ARHGEF15: variants seen among roughly 807,000 people sequenced by gnomAD.
ARHGEF15 encodes the protein Rho guanine nucleotide exchange factor 15.
A neutral mutation model predicts 79.7 loss-of-function variants in ARHGEF15; 58 were observed. The observed-to-expected ratio is 0.73, with a 90% CI of 0.59 to 0.91. The LOEUF is 0.91. Ranked by LOEUF, ARHGEF15 falls within the 40% of genes least tolerant of loss-of-function variation. The pLI is 0.00. For synonymous variants in ARHGEF15, 442 were observed against 456.0 expected, an observed-to-expected ratio of 0.97 and a Z score of 0.39; for missense variants, 1,012 against 1,108.1, an observed-to-expected ratio of 0.91 and a Z score of 1.23.
chr17:8,320,671 G>A (rs1340991633), intron 15 of ARHGEF15, among the ~76,000 whole-genome samples, 171 bp from the exon 16 acceptor site: 4 of 152,218 alleles, frequency 2.6e-5, no homozygotes, highest in Non-Finnish European at 4.4e-5. Flanking sequence ...GACTCTCTCC[G>A]AGCTGCTGTC....
intron 4 of ARHGEF15, chr17:8,313,787 T>C (rs554513509): frequency 4.9e-6 from 2 of 409,046 alleles, no homozygotes; most frequent in East Asian, 7.3e-5. Flanking sequence ...CCCAGCACTC[T>C]GGGAGGCCGC....
intron 9 of ARHGEF15, among the ~76,000 whole-genome samples, chr17:8,317,657 A>G (rs1330970270): frequency 1.3e-5 from 2 of 152,194 alleles, no homozygotes; most frequent in Non-Finnish European, 2.9e-5. Context: ...AGGTCACATA[A>G]CTTGCCTCAG....
chr17:8,314,851 T>G, intron 4 of ARHGEF15, 55 bp from the exon 5 acceptor site: 1 of 1,511,586 alleles, frequency 6.6e-7, no homozygotes, highest in Non-Finnish European at 8.9e-7. Flanking sequence ...CAAGCACCCC[T>G]ACGGTGGGCA....
At position 8,318,964 on chromosome 17, in the gene ARHGEF15, C is replaced by A. The variant is rs191999392; in HGVS notation, c.2034-43C>A. On this transcript the variant is annotated intron_variant, in intron 12 of 15. Coordinates refer to ENST00000361926, the MANE Select transcript of ARHGEF15 (RefSeq NM_173728.4). The surrounding 1 kb of genome is among the most constrained non-coding windows in gnomAD (Gnocchi z 5.0). ...GCTGGAGTGGGCAGGAGGGGTCCAG[C>A]GGGACCCCTGCTGTCCTTCTGAACG... 1.7e-4 allele frequency: 276 copies of A among 1,608,850 alleles called. No homozygotes were observed. Among genetic ancestry groups the A allele is most frequent in the Non-Finnish European group, 2.2e-4 (264 of 1,177,926 alleles).
At chr17:8,311,915 C>T (rs111424518) in intron 1 of ARHGEF15, 76 bp from the exon 2 acceptor site, 14,668 of 1,027,758 alleles carry the variant, frequency 0.014, 140 homozygotes, top group Middle Eastern at 0.026. Context: ...ACTTCAAAAT[C>T]CTGCCTTCCA....
Position 8,318,554 on chromosome 17 carries a change from A to G in ARHGEF15, c.1780-16A>G, listed in dbSNP as rs752767113. 2.9e-5 allele frequency: 47 copies of G among 1,612,740 alleles called. No homozygotes were observed. Among genetic ancestry groups the G allele is most frequent in the Non-Finnish European group, 4.0e-5 (47 of 1,179,034 alleles). On this transcript the variant is annotated splice_polypyrimidine_tract_variant and intron_variant, in intron 10 of 15. Transcript: ENST00000361926. This position sits in a 1 kb window ranked among gnomAD's most constrained non-coding sequence, Gnocchi z 5.0. ...GGGCTGGCCGCTGGGGTGGTGACAC[A>G]GCTCCCCTTACCTAGATCATCGAGC...
At position 8,315,483 on chromosome 17, in the gene ARHGEF15, G is replaced by A. The variant is rs1904956280; in HGVS notation, c.1330G>A (p.Val444Met). 2 of 1,613,630 alleles carry A rather than the reference G, an allele frequency of 1.2e-6. No homozygotes were observed. Among genetic ancestry groups the A allele is most frequent in the Non-Finnish European group, 1.7e-6 (2 of 1,180,022 alleles). Residue 444 changes from valine to methionine, a missense_variant, in exon 7 of 16, where the codon GTG becomes ATG. Transcript: ENST00000361926. The surrounding 1 kb of genome is among the most constrained non-coding windows in gnomAD (Gnocchi z 4.3). ...CCTGCGGCTGCTGACCGACACCTTC[G>A]TGCTGAGCCAGGCACTCCGGGACAC... ...RSLRLLTDTF[V>M]LSQALRDTLT...
Position 8,319,065 on chromosome 17 carries a change from G to T in ARHGEF15, c.2092G>T (p.Val698Phe). The T allele has an allele frequency of 6.2e-7, 1 of 1,613,950 alleles. No homozygotes were observed. Among genetic ancestry groups the T allele is most frequent in the South Asian group, 1.1e-5 (1 of 91,084 alleles). The change falls in exon 13 of 16, where the codon GTT becomes TTT. Residue 698 changes from valine to phenylalanine, a missense_variant. By Grantham distance (50) the Val-to-Phe change is conservative. Transcript: ENST00000361926. ...TCGCTCCCTGGTCCAGGCCCAGCAG[G>T]TTCCGGATCCATCTGGACCCCCTAC... ...AHRSLVQAQQ[V>F]PDPSGPPTFR...
intron 2 of ARHGEF15, 23 bp downstream of exon 2, chr17:8,312,663 G>A (rs1397138771): frequency 5.0e-6 from 8 of 1,611,034 alleles, no homozygotes; most frequent in African/African-American, 4.0e-5. Flanking sequence ...GGTGGGGGGC[G>A]CTGGGTGACC....
chr17:8,321,358 T>G lies in ARHGEF15; in HGVS notation c.*365T>G. ...CCTCATTGGAGATAAAGTCGTAGGATAAAATTGGGAACAGGAATGAGCAGG... is the reference window on the plus strand; with the variant it reads ...CCTCATTGGAGATAAAGTCGTAGGAGAAAATTGGGAACAGGAATGAGCAGG... On this transcript the variant is annotated 3_prime_UTR_variant, in exon 16 of 16. Transcript: ENST00000361926. The G allele has an allele frequency of 5.7e-6, 1 of 175,458 alleles. No homozygotes were observed. Among genetic ancestry groups the G allele is most frequent in the South Asian group, 1.6e-4 (1 of 6,108 alleles). 10.9% of individuals were successfully genotyped at this position (175,458 alleles called of 1,614,324 possible).
At position 8,312,930 on chromosome 17, in the gene ARHGEF15, C is replaced by T. The variant is rs1904747233; in HGVS notation, c.610C>T (p.Leu204=). 1 of 1,575,334 alleles carries T rather than the reference C, an allele frequency of 6.3e-7. No homozygotes were observed. Among genetic ancestry groups the T allele is most frequent in the Non-Finnish European group, 8.6e-7 (1 of 1,161,480 alleles). ...CTACCTGTCTCCCACAGATGCTGGC[C>T]TGGCCTGCCCTCCCTGCTGCCCCTG... ...SQENGAPDAG[L]ACPPCCPCVC... is the part of the protein sequence containing the mutation. The change falls in exon 3 of 16, where the codon CTG becomes TTG. Residue 204 remains leucine, a synonymous_variant. Coordinates refer to ENST00000361926, the MANE Select transcript of ARHGEF15 (RefSeq NM_173728.4).
chr17:8,315,964 G>T lies in ARHGEF15; in HGVS notation c.1575-55G>T. On this transcript the variant is annotated intron_variant, in intron 8 of 15. Coordinates refer to ENST00000361926, the MANE Select transcript of ARHGEF15 (RefSeq NM_173728.4). This position sits in a 1 kb window ranked among gnomAD's most constrained non-coding sequence, Gnocchi z 4.3. ...GGAGAGGGATGGGACCGAGGCCACAGCAGGTTGGGGCACCAGGGCCTCCAG... is the reference window on the plus strand; with the variant it reads ...GGAGAGGGATGGGACCGAGGCCACATCAGGTTGGGGCACCAGGGCCTCCAG... 1 of 1,599,806 alleles carries T rather than the reference G, an allele frequency of 6.3e-7. No individual in the cohort carries two copies.
At chr17:8,310,485 G>A (rs1904534728) in intron 1 of ARHGEF15, 142 bp downstream of exon 1, 1 of 152,204 alleles carries the variant, frequency 6.6e-6, no homozygotes, top group Non-Finnish European at 1.5e-5. Context: ...ACTCGCCGTG[G>A]AGGGACGCAC....
Position 8,315,639 on chromosome 17 carries a change from TC to T in ARHGEF15, c.1421+68del. ...GCTGCTGGGCACGCCCTTTCCTCTC[TC>T]CCGGGCCCAGGTCCTTCCTTCTACG... On this transcript the variant is annotated intron_variant, in intron 7 of 15. Coordinates refer to ENST00000361926, the MANE Select transcript of ARHGEF15 (RefSeq NM_173728.4). The surrounding 1 kb of genome is among the most constrained non-coding windows in gnomAD (Gnocchi z 4.3). 1 of 1,595,976 alleles carries T rather than the reference TC, an allele frequency of 6.3e-7. No individual in the cohort carries two copies. The highest frequency in any genetic ancestry group is 8.5e-7 in the Non-Finnish European group (1 of 1,173,944).
At position 8,312,289 on chromosome 17, in the gene ARHGEF15, A is replaced by T; in HGVS notation, c.250A>T (p.Ser84Cys). The T allele has an allele frequency of 7.3e-7, 1 of 1,377,466 alleles. No homozygotes were observed. Among genetic ancestry groups the T allele is most frequent in the Non-Finnish European group, 9.6e-7 (1 of 1,041,046 alleles). The allele number at this position is 1,377,466 out of a possible 1,614,324, so 85.3% of individuals were successfully genotyped here. A position where few individuals can be genotyped will look rare whatever the true frequency, so the allele number is the denominator to read the frequency against. Residue 84 changes from serine (S) to cysteine (C), a missense_variant, in exon 2 of 16, where the codon AGC becomes TGC. Coordinates refer to ENST00000361926, the MANE Select transcript of ARHGEF15 (RefSeq NM_173728.4). ...TTTGCCCCCCTCAGCTTCTAGAGCCAGCCTCGACTCCCAGACTTCCCCAGA... is the reference window on the plus strand; with the variant it reads ...TTTGCCCCCCTCAGCTTCTAGAGCCTGCCTCGACTCCCAGACTTCCCCAGA... ...ALLPPSASRA[S>C]LDSQTSPDSP... is the part of the protein sequence containing the mutation.
chr17:8,317,089 ACT>A (rs1415829183), intron 9 of ARHGEF15, among the ~76,000 whole-genome samples: 1 of 151,552 alleles, frequency 6.6e-6, no homozygotes, highest in Non-Finnish European at 1.5e-5. Flanking sequence ...GGCCTAAGAC[ACT>A]CTCTTCTATA....
chr17:8,318,828 G>T lies in ARHGEF15; in HGVS notation c.1951G>T (p.Val651Leu). ...LTELGCRRGGVLFASRPRFTP... is the reference protein window; with the variant it reads ...LTELGCRRGGLLFASRPRFTP... ...TGAGTTAGGGTGCCGGAGGGGGGGC[G>T]TGCTCTTTGCCTCGCGCCCCCGCTT... The change falls in exon 12 of 16, where the codon GTG (valine) becomes TTG (leucine). Residue 651 changes from valine (V) to leucine (L), a missense_variant. Val to Leu is a conservative substitution (Grantham distance 32, BLOSUM62 1). This residue lies in a region of ARHGEF15 where 818 missense variants were observed against 882.5 expected (regional missense o/e 0.93). Coordinates refer to ENST00000361926, the MANE Select transcript of ARHGEF15 (RefSeq NM_173728.4). This position sits in a 1 kb window ranked among gnomAD's most constrained non-coding sequence, Gnocchi z 5.0. 6.2e-7 allele frequency: 1 copy of T among 1,613,552 alleles called. No individual in the cohort carries two copies. Among genetic ancestry groups the T allele is most frequent in the Non-Finnish European group, 8.5e-7 (1 of 1,179,980 alleles).
chr17:8,320,434 C>T (rs1905306946), intron 15 of ARHGEF15, among the ~76,000 whole-genome samples: 1 of 151,976 alleles, frequency 6.6e-6, no homozygotes, highest in African/African-American at 2.4e-5. Context: ...AAGAGTGTCC[C>T]AGCTGGAGGC....
chr17:8,312,933 G>T lies in ARHGEF15; in HGVS notation c.613G>T (p.Ala205Ser), dbSNP rs777492226. The change falls in exon 3 of 16, where the codon GCC becomes TCC. Residue 205 changes from alanine (A) to serine (S), a missense_variant. By Grantham distance (99) the Ala-to-Ser change is moderately conservative. This residue lies in a region of ARHGEF15 where 818 missense variants were observed against 882.5 expected (regional missense o/e 0.93). Transcript: ENST00000361926. Reference sequence around the variant, plus strand: ...CCTGTCTCCCACAGATGCTGGCCTGGCCTGCCCTCCCTGCTGCCCCTGTGT... The same window carrying T: ...CCTGTCTCCCACAGATGCTGGCCTGTCCTGCCCTCCCTGCTGCCCCTGTGT... The part of the protein sequence containing the change: ...QENGAPDAGL[A>S]CPPCCPCVCH... 1 of 1,577,284 alleles carries T rather than the reference G, an allele frequency of 6.3e-7. No individual in the cohort carries two copies. Among genetic ancestry groups the T allele is most frequent in the African/African-American group, 1.3e-5 (1 of 74,536 alleles).
Sources: gnomAD v4.1 joint callset for allele counts (sites outside exome capture counted in the v4.1 genomes callset) on GRCh38, gnomAD v4.1.1 for gene constraint, gnomAD v4.1.1 regional missense constraint, Gnocchi (gnomAD v3.1) non-coding constraint, MANE v1.5 for transcripts, NCBI Gene and HGNC (gene_info 2026-07-23, HGNC 2026-07-21) for gene names.